AAK1: variants seen among roughly 807,000 people sequenced by gnomAD.
AAK1 encodes AP2-associated protein kinase 1.
A neutral mutation model predicts 116.0 loss-of-function variants in AAK1; 37 were observed. The observed-to-expected ratio is 0.32, with a 90% CI of 0.25 to 0.42. The LOEUF (loss-of-function observed/expected upper bound fraction) is 0.42, where lower values mean the gene tolerates loss of function less well. Among genes scored for constraint, AAK1 ranks in the 10% least tolerant of loss-of-function variants. The probability of loss-of-function intolerance (pLI) is 1.00; values close to 1 mark genes in which losing one functional copy is unlikely to be tolerated. For missense variants in AAK1, 919 were observed against 1,170.6 expected, an observed-to-expected ratio of 0.79 and a Z score of 3.14; for synonymous variants, 458 against 439.9, an observed-to-expected ratio of 1.04 and a Z score of -0.51.
chr2:69,505,428 A>G, intron 16 of AAK1, 141 bp downstream of exon 16: 1 of 423,316 alleles, frequency 2.4e-6, no homozygotes, highest in Non-Finnish European at 4.0e-6. Context: ...AATTAAATAG[A>G]CCATGAAAAA....
At position 69,643,032 on chromosome 2, in the gene AAK1, C is replaced by A; in HGVS notation, c.9G>T (p.Lys3Asn). 1 of 1,600,856 alleles carries A rather than the reference C, an allele frequency of 6.2e-7. No individual in the cohort carries two copies. The part of the protein sequence containing the change: MK[K>N]FFDSRREQGG... ...CCTGCTCTCGCCGGGAGTCGAAAAA[C>A]TTCTTCATCTTGCGAATAGGGAGCA... Residue 3 changes from lysine (K) to asparagine (N), a missense_variant, in exon 2 of 22, where the codon AAG (lysine) becomes AAT (asparagine). Coordinates refer to ENST00000409085, the MANE Select transcript of AAK1 (RefSeq NM_014911.5).
At chr2:69,552,200 A>G (rs1259864267) in intron 3 of AAK1, among the ~76,000 whole-genome samples, 5 of 152,208 alleles carry the variant, frequency 3.3e-5, no homozygotes, top group African/African-American at 1.2e-4. Context: ...ATTTAGCTAC[A>G]GTAATCAAGG....
chr2:69,522,803 C>CAA (rs11465056), intron 10 of AAK1, among the ~76,000 whole-genome samples: 14 of 125,758 alleles, frequency 1.1e-4, no homozygotes, highest in African/African-American at 2.3e-4. Flanking sequence ...GACTCCATCT[C>CAA]AAAAAAAAAA....
Position 69,642,940 on chromosome 2 carries a change from T to C in AAK1, c.101A>G (p.Tyr34Cys), listed in dbSNP as rs754776516. Residue 34 changes from tyrosine to cysteine, a missense_variant, in exon 2 of 22, where the codon TAC becomes TGC. Transcript: ENST00000409085. The stretch of plus-strand genomic sequence containing the variant: ...CCCGATGCCGAAGACTCTTCCGATG[T>C]AGCCACTGCCCAGGCCCGAGGTGCT... ...GGSTSGLGSG[Y>C]IGRVFGIGRQ... 2 of 1,613,822 alleles carry C rather than the reference T, an allele frequency of 1.2e-6. No individual in the cohort carries two copies. The highest frequency in any genetic ancestry group is 1.7e-5 in the Admixed American group (1 of 60,006).
chr2:69,549,422 T>A (rs1671079484), intron 3 of AAK1, among the ~76,000 whole-genome samples: 1 of 152,178 alleles, frequency 6.6e-6, no homozygotes, highest in East Asian at 1.9e-4. Flanking sequence ...TAGCATTATT[T>A]AGACTGAGTG....
At chr2:69,584,048 A>G (rs1672655941) in intron 2 of AAK1, among the ~76,000 whole-genome samples, 1 of 152,106 alleles carries the variant, frequency 6.6e-6, no homozygotes, top group Non-Finnish European at 1.5e-5. Context: ...AACCTTCTAC[A>G]CTGCTCTCCA....
At chr2:69,583,848 C>T (rs1443333972) in intron 2 of AAK1, among the ~76,000 whole-genome samples, 2 of 152,108 alleles carry the variant, frequency 1.3e-5, no homozygotes, top group East Asian at 3.8e-4. Context: ...TTTTTTCAAG[C>T]TACGGATCTT....
intron 2 of AAK1, among the ~76,000 whole-genome samples, chr2:69,591,523 C>CTTTT (rs557305954): frequency 7.7e-6 from 1 of 130,014 alleles, no homozygotes; most frequent in Non-Finnish European, 1.6e-5. Context: ...TTTTCTTTTT[C>CTTTT]TTTTTTTTTT....
chr2:69,510,895 T>C (rs1676367876), intron 13 of AAK1, among the ~76,000 whole-genome samples: 1 of 152,168 alleles, frequency 6.6e-6, no homozygotes, highest in African/African-American at 2.4e-5. Flanking sequence ...GAGCTAATAA[T>C]ACAAGGACTC....
In AAK1 at chr2:69,472,897, A is replaced by G; in HGVS notation, c.*2972T>C. 1.0e-6 allele frequency: 1 copy of G among 985,802 alleles called. No individual in the cohort carries two copies. Among genetic ancestry groups the G allele is most frequent in the East Asian group, 1.1e-4 (1 of 8,820 alleles). 61.1% of individuals were successfully genotyped at this position (985,802 alleles called of 1,614,324 possible). ...CTCTAAGATTATGATTTAGGCTTCT[A>G]TTCAGATAATCAAGAAAGAGCAAGT... On this transcript the variant is annotated 3_prime_UTR_variant, in exon 22 of 22. Coordinates refer to ENST00000409085, the MANE Select transcript of AAK1 (RefSeq NM_014911.5).
chr2:69,536,346 T>A (rs1032068859), intron 5 of AAK1, among the ~76,000 whole-genome samples: 3 of 151,784 alleles, frequency 2.0e-5, no homozygotes, highest in African/African-American at 7.3e-5. Context: ...CTTGGCAAAA[T>A]TGAGGGAGAA....
Position 69,462,067 on chromosome 2 carries a change from T to C in AAK1, c.*13802A>G, listed in dbSNP as rs1394794762. 1 of 152,398 alleles carries C rather than the reference T, an allele frequency of 6.6e-6. No individual in the cohort carries two copies. The highest frequency in any genetic ancestry group is 1.9e-4 in the East Asian group (1 of 5,186). 9.4% of individuals were successfully genotyped at this position (152,398 alleles called of 1,614,324 possible). On this transcript the variant is annotated 3_prime_UTR_variant, in exon 22 of 22. Coordinates refer to ENST00000409085, the MANE Select transcript of AAK1 (RefSeq NM_014911.5). Reference sequence around the variant, plus strand: ...ACATTTTGCTGGGCTGTTACAGAGATAATCCTGAATATTTGGAAAGGGGAA... The same window carrying C: ...ACATTTTGCTGGGCTGTTACAGAGACAATCCTGAATATTTGGAAAGGGGAA...
At chr2:69,582,312 T>A (rs1672579369) in intron 2 of AAK1, among the ~76,000 whole-genome samples, 1 of 152,166 alleles carries the variant, frequency 6.6e-6, no homozygotes, top group African/African-American at 2.4e-5. Context: ...GAAACTGCAG[T>A]ATACTGAGAA....
At chr2:69,595,721 T>C (rs969687051) in intron 2 of AAK1, among the ~76,000 whole-genome samples, 5 of 152,224 alleles carry the variant, frequency 3.3e-5, no homozygotes, top group East Asian at 1.9e-4. Context: ...GATAAGACCA[T>C]TGATGAAGGT....
chr2:69,487,902 G>A (rs1476536327), intron 17 of AAK1, among the ~76,000 whole-genome samples: 1 of 148,608 alleles, frequency 6.7e-6, no homozygotes, highest in Admixed American at 6.8e-5. Flanking sequence ...CAATTCTCCC[G>A]CCTCAGCCTC....
At chr2:69,607,803 A>T (rs1673875068) in intron 2 of AAK1, among the ~76,000 whole-genome samples, 1 of 152,102 alleles carries the variant, frequency 6.6e-6, no homozygotes, top group Admixed American at 6.5e-5. Context: ...AGCCATGACC[A>T]CTCAGCTTGC....
At chr2:69,582,345 T>C (rs1211882886) in intron 2 of AAK1, among the ~76,000 whole-genome samples, 2 of 152,120 alleles carry the variant, frequency 1.3e-5, no homozygotes, top group Non-Finnish European at 2.9e-5. Flanking sequence ...AATCAGAGTA[T>C]CTCTATACAT....
intron 16 of AAK1, among the ~76,000 whole-genome samples, chr2:69,500,700 C>T (rs11126232): frequency 0.073 from 3,270 of 45,086 alleles, 25 homozygotes; most frequent in Non-Finnish European, 0.093. Flanking sequence ...TATATATATA[C>T]ACACACACAC....
In AAK1 at chr2:69,562,898, A is replaced by C. The variant is rs563180338; in HGVS notation, c.164-5920T>G. ...GAGCGAGACTCCATCTCAAAAACAA[A>C]ACAAATAAACAGACAAATTAGCCAG... On this transcript the variant is annotated intron_variant, in intron 2 of 21. Transcript: ENST00000409085. 2.1e-3 allele frequency among the ~76,000 whole-genome samples: 324 copies of C among 152,130 alleles called. 3 individuals are homozygous for C. Among genetic ancestry groups the C allele is most frequent in the Non-Finnish European group, 1.2e-3 (79 of 67,998 alleles).
Sources: gnomAD v4.1 joint callset for allele counts (sites outside exome capture counted in the v4.1 genomes callset) on GRCh38, gnomAD v4.1.1 for gene constraint, MANE v1.5 for transcripts, NCBI Gene and HGNC (gene_info 2026-07-23, HGNC 2026-07-21) for gene names.